Variants in CSMD1 observed in about 807,000 individuals in gnomAD.
The protein encoded by CSMD1 is CUB and sushi domain-containing protein 1.
Under a neutral mutation model 417.5 loss-of-function variants are expected in CSMD1, and 213 were observed. The ratio of observed to expected loss-of-function variants is 0.51; its 90% CI spans 0.46 to 0.57. The LOEUF is 0.57. Among genes scored for constraint, CSMD1 ranks in the 20% least tolerant of loss-of-function variants. CSMD1 has a pLI of 0.00. For missense variants in CSMD1, 6,923 were observed against 4,529.7 expected (o/e 1.53, Z -15.17); for synonymous variants, 2,862 against 1,736.8 (o/e 1.65, Z -16.11).
intron 1 of CSMD1, among the ~76,000 whole-genome samples, chr8:4,920,881 GAAAAGAAAAGAAAAGAAAAGAAAAGA>G (rs1806401367): frequency 1.1e-4 from 4 of 35,160 alleles, no homozygotes; most frequent in African/African-American, 2.8e-4. Context: ...GAAAAGAAAA[GAAAAGAAAAGAAAAGAAAAGAAAAGA>G]AAAGAAAAGA....
At chr8:4,307,876 G>A (rs1212219104) in intron 3 of CSMD1, among the ~76,000 whole-genome samples, 2 of 152,162 alleles carry the variant, frequency 1.3e-5, no homozygotes, top group Non-Finnish European at 2.9e-5. Flanking sequence ...AGCAAGAAGT[G>A]TTCAGTAGAG....
At chr8:4,985,317 C>T (rs1811118492) in intron 1 of CSMD1, among the ~76,000 whole-genome samples, 1 of 152,036 alleles carries the variant, frequency 6.6e-6, no homozygotes, top group African/African-American at 2.4e-5. Context: ...CCATGACACA[C>T]ATTTACCTAT....
At chr8:4,049,170 C>T (rs1042909771) in intron 3 of CSMD1, among the ~76,000 whole-genome samples, 1 of 152,042 alleles carries the variant, frequency 6.6e-6, no homozygotes, top group Non-Finnish European at 1.5e-5. Context: ...ATTGTAACAT[C>T]AAAGAGTCTA....
intron 5 of CSMD1, among the ~76,000 whole-genome samples, chr8:3,981,902 T>G (rs753524700): frequency 6.6e-6 from 1 of 152,150 alleles, no homozygotes; most frequent in African/African-American, 2.4e-5. Context: ...ACAGAACTAG[T>G]TACAATTGCC....
At position 4,782,763 on chromosome 8, in the gene CSMD1, T is replaced by C. The variant is rs141518464; in HGVS notation, c.86-145205A>G. Among the ~76,000 whole-genome samples the C allele has an allele frequency of 3.4e-3, 524 of 152,326 alleles. 2 individuals are homozygous for C. Among genetic ancestry groups the C allele is most frequent in the Non-Finnish European group, 5.9e-3 (398 of 68,020 alleles). On this transcript the variant is annotated intron_variant, in intron 1 of 69. Transcript: ENST00000635120. ...CATGAATTTTGGCTATATTATTTTC[T>C]AGTTAGTAATAGTTTCCAAGATTCC...
chr8:4,698,801 T>C (rs1807308337), intron 1 of CSMD1, among the ~76,000 whole-genome samples: 1 of 151,916 alleles, frequency 6.6e-6, no homozygotes, highest in African/African-American at 2.4e-5. Flanking sequence ...TTGCTTCTTA[T>C]AACCTGAGAC....
chr8:3,982,211 T>A (rs560710567), intron 5 of CSMD1, among the ~76,000 whole-genome samples: 2 of 145,374 alleles, frequency 1.4e-5, no homozygotes, highest in African/African-American at 2.5e-5. Flanking sequence ...AAAATAATAA[T>A]AATAAACTAG....
intron 3 of CSMD1, among the ~76,000 whole-genome samples, chr8:4,395,361 G>C (rs1033609271): frequency 6.6e-6 from 1 of 152,140 alleles, no homozygotes; most frequent in Non-Finnish European, 1.5e-5. Flanking sequence ...ATTAAGACTA[G>C]GGGAGTAGTC....
intron 3 of CSMD1, among the ~76,000 whole-genome samples, chr8:4,295,636 T>C (rs1451304123): frequency 6.9e-6 from 1 of 145,284 alleles, no homozygotes; most frequent in African/African-American, 2.5e-5. Context: ...TAAACATATA[T>C]TCATAATATA....
chr8:4,409,916 T>G lies in CSMD1; in HGVS notation c.415+10037A>C, dbSNP rs181608418. ...GCAACCTCCGCCTCCTGGGTTCAAA[T>G]GATTCTCCTGCCTCAGCTTCCCAAG... is the stretch of plus-strand genomic sequence containing the variant. On this transcript the variant is annotated intron_variant, in intron 3 of 69. Transcript: ENST00000635120. Among the ~76,000 whole-genome samples the G allele has an allele frequency of 2.2e-3, 331 of 152,018 alleles. 2 individuals are homozygous for G. The highest frequency in any genetic ancestry group is 0.01 in the Middle Eastern group (3 of 294).
rs1797816787 is a variant in CSMD1 at position 4,298,713 on chromosome 8, A to T, written c.415+121240T>A. Among the ~76,000 whole-genome samples, 3 of 152,156 alleles carry T rather than the reference A, an allele frequency of 2.0e-5. No homozygotes were observed. In the South Asian group the frequency reaches 6.2e-4, roughly 31 times the overall value. On this transcript the variant is annotated intron_variant, in intron 3 of 69. Coordinates refer to ENST00000635120, the MANE Select transcript of CSMD1 (RefSeq NM_033225.6). Reference sequence around the variant, plus strand: ...TTCAGGCTACTCTGATACTAAATCAAGTATTTTCTTCCAACTAGATGTTAA... The same window carrying T: ...TTCAGGCTACTCTGATACTAAATCATGTATTTTCTTCCAACTAGATGTTAA...
chr8:3,939,644 A>C (rs1810743875), intron 5 of CSMD1, among the ~76,000 whole-genome samples: 1 of 152,176 alleles, frequency 6.6e-6, no homozygotes, highest in African/African-American at 2.4e-5. Flanking sequence ...TTAGCAGATA[A>C]AGAAAATGTG....
At chr8:2,968,958 A>G (rs1563191643) in intron 57 of CSMD1, among the ~76,000 whole-genome samples, 1 of 152,148 alleles carries the variant, frequency 6.6e-6, no homozygotes, top group Non-Finnish European at 1.5e-5. Context: ...CTTATTTTAA[A>G]TATACTTTAT....
chr8:4,919,523 T>A (rs560880397), intron 1 of CSMD1, among the ~76,000 whole-genome samples: 2 of 152,224 alleles, frequency 1.3e-5, no homozygotes, highest in Non-Finnish European at 2.9e-5. Flanking sequence ...AGGCAGAAGT[T>A]TGCATTAGTT....
Position 4,539,957 on chromosome 8 carries a change from C to T in CSMD1, c.302+97385G>A, listed in dbSNP as rs556223493. Among the ~76,000 whole-genome samples the T allele has an allele frequency of 1.6e-3, 251 of 152,290 alleles. No homozygotes were observed. In the Middle Eastern group the frequency reaches 0.024, roughly 14 times the overall value. The stretch of plus-strand genomic sequence containing the variant: ...ATCTACCCCAGCCCAAACTCCGCCC[C>T]GTCCAGGTGCTGCCTGCAGATGCCC... On this transcript the variant is annotated intron_variant, in intron 2 of 69. Transcript: ENST00000635120.
At chr8:3,032,584 A>G (rs1444191742) in intron 50 of CSMD1, among the ~76,000 whole-genome samples, 1 of 151,980 alleles carries the variant, frequency 6.6e-6, no homozygotes, top group East Asian at 1.9e-4. Flanking sequence ...AAAACAGAAC[A>G]TTTTACAACC....
chr8:4,950,698 G>A (rs1322538519), intron 1 of CSMD1, among the ~76,000 whole-genome samples: 3 of 152,080 alleles, frequency 2.0e-5, no homozygotes, highest in Non-Finnish European at 4.4e-5. Flanking sequence ...TGATTACATT[G>A]GCAATAAAAA....
intron 3 of CSMD1, among the ~76,000 whole-genome samples, chr8:4,124,494 C>T (rs932406076): frequency 2.6e-5 from 4 of 152,132 alleles, no homozygotes; most frequent in Admixed American, 6.5e-5. Context: ...GTGAAATCAC[C>T]AACTGCCCCT....
chr8:3,470,187 G>C (rs1817007180), intron 11 of CSMD1, among the ~76,000 whole-genome samples: 1 of 151,910 alleles, frequency 6.6e-6, no homozygotes. Flanking sequence ...AAGTTTTTTT[G>C]TAAATGAAAT....
Sources: gnomAD v4.1 joint callset for allele counts (sites outside exome capture counted in the v4.1 genomes callset) on GRCh38, gnomAD v4.1.1 for gene constraint, MANE v1.5 for transcripts, NCBI Gene and HGNC (gene_info 2026-07-23, HGNC 2026-07-21) for gene names.